Variants in MOV10 observed in about 807,000 individuals in gnomAD.
MOV10 encodes RNA helicase MOV-10.
A neutral mutation model predicts 108.4 loss-of-function variants in MOV10; 39 were observed. The ratio of observed to expected loss-of-function variants is 0.36; its 90% CI spans 0.28 to 0.47. The LOEUF (loss-of-function observed/expected upper bound fraction) is 0.47. MOV10 is among the 20% of genes least tolerant of loss of function. The probability of loss-of-function intolerance (pLI) is 1.00; values close to 1 mark genes in which losing one functional copy is unlikely to be tolerated. For missense variants in MOV10, 952 were observed against 1,297.6 expected (o/e 0.73, Z 4.09); for synonymous variants, 490 against 523.1 (o/e 0.94, Z 0.86).
intron 2 of MOV10, among the ~76,000 whole-genome samples, chr1:112,676,387 TC>T (rs1672201796): frequency 6.6e-6 from 1 of 152,252 alleles, no homozygotes. Flanking sequence ...TTCACCTATA[TC>T]CACAGAGTAC....
intron 2 of MOV10, among the ~76,000 whole-genome samples, chr1:112,680,321 G>T (rs1316021754): frequency 6.6e-6 from 1 of 152,052 alleles, no homozygotes; most frequent in African/African-American, 2.4e-5. Flanking sequence ...AGGGAATTAA[G>T]GGCTTTAATG....
At chr1:112,691,110 T>C (rs1177964086) in intron 5 of MOV10, among the ~76,000 whole-genome samples, 1 of 151,746 alleles carries the variant, frequency 6.6e-6, no homozygotes, top group Non-Finnish European at 1.5e-5. Flanking sequence ...GAAATCCCAT[T>C]TCTACTAAAA....
At chr1:112,686,519 C>T (rs1673092143) in intron 2 of MOV10, among the ~76,000 whole-genome samples, 1 of 152,178 alleles carries the variant, frequency 6.6e-6, no homozygotes, top group African/African-American at 2.4e-5. Flanking sequence ...ACTCACACTC[C>T]CTGGGGAGAT....
intron 2 of MOV10, among the ~76,000 whole-genome samples, chr1:112,678,785 A>G (rs1471521061): frequency 5.3e-5 from 8 of 151,954 alleles, no homozygotes; most frequent in Admixed American, 5.2e-4. Context: ...AAATAGGAAA[A>G]CACAGAAAAT....
Position 112,698,059 on chromosome 1 carries a change from C to T in MOV10, c.2264C>T (p.Ala755Val). 6.2e-7 allele frequency: 1 copy of T among 1,614,210 alleles called. No individual in the cohort carries two copies. Among genetic ancestry groups the T allele is most frequent in the Non-Finnish European group, 8.5e-7 (1 of 1,180,032 alleles). The stretch of plus-strand genomic sequence containing the variant: ...TATGAAGGGGAGCTGCAGGCCTGTG[C>T]TGATGTCGTGGATCGAGAACGCTTC... ...LYYEGELQAC[A>V]DVVDRERFCR... Residue 755 changes from alanine to valine, a missense_variant, in exon 15 of 21, where the codon GCT (alanine) becomes GTT (valine). Physicochemically the swap from Ala to Val is moderately conservative, Grantham distance 64. Coordinates refer to ENST00000369645, the MANE Select transcript of MOV10 (RefSeq NM_001321324.2).
rs1379544847 is a variant in MOV10, at chr1:112,675,580, G to T, written c.137+531G>T. On this transcript the variant is annotated intron_variant, in intron 2 of 20. Transcript: ENST00000369645. The surrounding 1 kb of genome is among the most constrained non-coding windows in gnomAD (Gnocchi z 4.7). ...AGGGTAGAAGGGAGAAGCTCAGGAA[G>T]CTCTGGAAAGAAGAAAAGGGCACAA... Among the ~76,000 whole-genome samples the T allele has an allele frequency of 6.6e-6, 1 of 152,236 alleles. No homozygotes were observed. The highest frequency in any genetic ancestry group is 2.4e-5 in the African/African-American group (1 of 41,464).
intron 14 of MOV10, among the ~76,000 whole-genome samples, chr1:112,697,525 CAAATT>C: frequency 6.6e-6 from 1 of 152,208 alleles, no homozygotes; most frequent in South Asian, 2.1e-4. Context: ...TATTGTTATT[CAAATT>C]AAAGAGCTGT....
intron 6 of MOV10, 72 bp from the exon 7 acceptor site, chr1:112,692,689 C>T (rs1254782721): frequency 6.3e-7 from 1 of 1,574,986 alleles, no homozygotes; most frequent in Non-Finnish European, 8.6e-7. Context: ...AAGGTGGATA[C>T]TCCTGGGCAT....
rs533216232 is a variant in MOV10, at chr1:112,697,981, T to A, written c.2199-13T>A. The A allele has an allele frequency of 6.2e-7, 1 of 1,610,292 alleles. No individual in the cohort carries two copies. The highest frequency in any genetic ancestry group is 1.1e-5 in the South Asian group (1 of 91,012). ...TGACCCTTGGTCTTGCTTTTCCTCC[T>A]CCGGCCTCCCAGGTCTCATCCCACC... is the stretch of plus-strand genomic sequence containing the variant. On this transcript the variant is annotated splice_polypyrimidine_tract_variant and intron_variant, in intron 14 of 20. Coordinates refer to ENST00000369645, the MANE Select transcript of MOV10 (RefSeq NM_001321324.2).
At position 112,694,662 on chromosome 1, in the gene MOV10, C is replaced by G; in HGVS notation, c.1472+33C>G. The G allele has an allele frequency of 1.3e-6, 2 of 1,592,626 alleles. No homozygotes were observed. Among genetic ancestry groups the G allele is most frequent in the Non-Finnish European group, 1.7e-6 (2 of 1,167,542 alleles). ...TGTGGGCAGGGAGCTTCTGGAGCCACTTGGAGTGTGGGCACAGGGGGTGGA... is the reference window on the plus strand; with the variant it reads ...TGTGGGCAGGGAGCTTCTGGAGCCAGTTGGAGTGTGGGCACAGGGGGTGGA... On this transcript the variant is annotated intron_variant, in intron 9 of 20. Transcript: ENST00000369645. This position sits in a 1 kb window ranked among gnomAD's most constrained non-coding sequence, Gnocchi z 4.1.
intron 2 of MOV10, among the ~76,000 whole-genome samples, chr1:112,687,909 C>A (rs1673206700): frequency 6.6e-6 from 1 of 152,122 alleles, no homozygotes; most frequent in East Asian, 1.9e-4. Flanking sequence ...CCCCTCTGCC[C>A]CTCCCTGCAC....
rs545899936 is a variant in MOV10 at position 112,674,690 on chromosome 1, G to C, written c.-105G>C. 3 of 476,444 alleles carry C rather than the reference G, an allele frequency of 6.3e-6. No homozygotes were observed. Among genetic ancestry groups the C allele is most frequent in the East Asian group, 4.0e-5 (1 of 25,260 alleles). 29.5% of individuals were successfully genotyped at this position (476,444 alleles called of 1,614,324 possible). On this transcript the variant is annotated 5_prime_UTR_variant, in exon 1 of 21. Coordinates refer to ENST00000369645, the MANE Select transcript of MOV10 (RefSeq NM_001321324.2). ...TTTAGGAAAGAGTTAATGCGAAGAG[G>C]GGGAGGGGATAGGACGAAGAAACCG...
At chr1:112,682,761 A>C (rs1672762299) in intron 2 of MOV10, among the ~76,000 whole-genome samples, 1 of 152,184 alleles carries the variant, frequency 6.6e-6, no homozygotes, top group African/African-American at 2.4e-5. Flanking sequence ...CACTTAGCGT[A>C]ATGTTTTTGA....
chr1:112,682,316 C>T (rs1672723235), intron 2 of MOV10, among the ~76,000 whole-genome samples: 1 of 151,938 alleles, frequency 6.6e-6, no homozygotes, highest in Non-Finnish European at 1.5e-5. Context: ...CTCAACCTCC[C>T]AGACTCAGGC....
chr1:112,699,541 G>A, intron 17 of MOV10, 144 bp from the exon 18 acceptor site: 1 of 1,493,934 alleles, frequency 6.7e-7, no homozygotes, highest in Non-Finnish European at 8.9e-7. Context: ...CCTTTCCCTG[G>A]GCCGTGTCGC....
In MOV10 at chr1:112,696,752, C is replaced by G. The variant is rs375700340; in HGVS notation, c.2104C>G (p.Leu702Val). ...LTQKHGLGYSLLERLLTYNSL... is the reference protein window; with the variant it reads ...LTQKHGLGYSVLERLLTYNSL... ...CCAGAAGCATGGACTGGGATACTCA[C>G]TGCTGGAGCGGCTGCTCACCTACAA... Residue 702 changes from leucine to valine, a missense_variant, in exon 14 of 21, where the codon CTG (leucine) becomes GTG (valine). This residue lies in a region of MOV10 where 453 missense variants were observed against 611.5 expected (regional missense o/e 0.74). Transcript: ENST00000369645. The G allele has an allele frequency of 3.1e-6, 5 of 1,605,556 alleles. No homozygotes were observed. The highest frequency in any genetic ancestry group is 4.5e-5 in the East Asian group (2 of 44,704).
At chr1:112,697,214 G>A (rs1332716283) in intron 14 of MOV10, among the ~76,000 whole-genome samples, 2 of 152,148 alleles carry the variant, frequency 1.3e-5, no homozygotes, top group Non-Finnish European at 2.9e-5. Flanking sequence ...CCAGCACTTT[G>A]GGAGGCCAAG....
At position 112,698,664 on chromosome 1, in the gene MOV10, C is replaced by G. The variant is rs763372604; in HGVS notation, c.2509-51C>G. On this transcript the variant is annotated intron_variant, in intron 16 of 20. Transcript: ENST00000369645. Reference sequence around the variant, plus strand: ...TCCCTGGCCTCCTGCCAGGCTCCCTCTTGCATTAGGTTAATGGCACGAGAG... The same window carrying G: ...TCCCTGGCCTCCTGCCAGGCTCCCTGTTGCATTAGGTTAATGGCACGAGAG... 7.0e-6 allele frequency: 11 copies of G among 1,579,716 alleles called. No individual in the cohort carries two copies. The African/African-American group carries it at 1.5e-4, about 21-fold the overall frequency.
chr1:112,699,297 T>G (rs1015094648), intron 17 of MOV10: 12 of 287,676 alleles, frequency 4.2e-5, no homozygotes, highest in African/African-American at 2.7e-4. Flanking sequence ...AACACTGCTC[T>G]AAGACTTACA....
Sources: gnomAD v4.1 joint callset for allele counts (sites outside exome capture counted in the v4.1 genomes callset) on GRCh38, gnomAD v4.1.1 for gene constraint, gnomAD v4.1.1 regional missense constraint, Gnocchi (gnomAD v3.1) non-coding constraint, MANE v1.5 for transcripts, NCBI Gene and HGNC (gene_info 2026-07-23, HGNC 2026-07-21) for gene names.